The following PNLIP variants were observed in gnomAD, a reference collection of about 807,000 sequenced individuals.
PNLIP encodes pancreatic triacylglycerol lipase.
A neutral mutation model predicts 57.1 loss-of-function variants in PNLIP; 49 were observed. That is an observed-to-expected ratio of 0.86 (90% CI 0.68 to 1.09). The LOEUF is 1.09. Among genes scored for constraint, PNLIP ranks in the 50% least tolerant of loss-of-function variants. The pLI, the probability that PNLIP is intolerant of heterozygous loss-of-function variation, is 0.00. For missense variants in PNLIP, 503 were observed against 570.2 expected (o/e 0.88, Z 1.20); for synonymous variants, 209 against 200.4 (o/e 1.04, Z -0.36).
chr10:116,553,174 C>T (rs1488615128), intron 5 of PNLIP, among the ~76,000 whole-genome samples: 2 of 152,312 alleles, frequency 1.3e-5, no homozygotes, highest in African/African-American at 4.8e-5. Context: ...GGCGCGATCT[C>T]GGCTCACTGC....
chr10:116,567,656 G>A, intron 12 of PNLIP, 79 bp from the exon 13 acceptor site: 2 of 1,168,428 alleles, frequency 1.7e-6, no homozygotes, highest in Non-Finnish European at 2.6e-6. Context: ...GGAGGTTGGG[G>A]GCATAGATTG....
intron 4 of PNLIP, among the ~76,000 whole-genome samples, chr10:116,549,263 G>T (rs1291027639): frequency 1.3e-5 from 2 of 152,014 alleles, no homozygotes; most frequent in Admixed American, 1.3e-4. Context: ...GGATCACGAG[G>T]TCAGGAGTTC....
chr10:116,560,346 G>T lies in PNLIP; in HGVS notation c.1061-70G>T, dbSNP rs1847301135. On this transcript the variant is annotated intron_variant, in intron 10 of 12. Coordinates refer to ENST00000369221, the MANE Select transcript of PNLIP (RefSeq NM_000936.4). ...ATTATTCAAAACGTGGCAGTAGTGGGATGCAAATTAACTTGTTTTTAGTGT... is the reference window on the plus strand; with the variant it reads ...ATTATTCAAAACGTGGCAGTAGTGGTATGCAAATTAACTTGTTTTTAGTGT... The T allele has an allele frequency of 2.9e-5, 21 of 730,516 alleles. 1 individual carries two copies. In the South Asian group the frequency reaches 3.5e-4, roughly 12 times the overall value. 45.3% of individuals were successfully genotyped at this position (730,516 alleles called of 1,614,324 possible).
Position 116,548,451 on chromosome 10 carries a change from G to A in PNLIP, c.293G>A (p.Gly98Glu), listed in dbSNP as rs1438228056. The A allele has an allele frequency of 6.2e-7, 1 of 1,614,028 alleles. No homozygotes were observed. The highest frequency in any genetic ancestry group is 1.7e-5 in the Admixed American group (1 of 60,010). ...ATTATTCATGGATTCATAGACAAGG[G>A]AGAAGAAAACTGGCTGGCCAATGTG... ...RFIIHGFIDKGEENWLANVCK... is the reference protein window; with the variant it reads ...RFIIHGFIDKEEENWLANVCK... The change falls in exon 4 of 13, where the codon GGA becomes GAA. Residue 98 changes from glycine to glutamate, a missense_variant. Transcript: ENST00000369221.
rs1847240768 is a variant in PNLIP, at chr10:116,555,287, C to T, written c.681C>T (p.Val227=). 6.2e-7 allele frequency: 1 copy of T among 1,614,148 alleles called. No homozygotes were observed. Among genetic ancestry groups the T allele is most frequent in the Non-Finnish European group, 8.5e-7 (1 of 1,180,032 alleles). The change falls in exon 7 of 13, where the codon GTC becomes GTT. Residue 227 remains valine, a synonymous_variant. Coordinates refer to ENST00000369221, the MANE Select transcript of PNLIP (RefSeq NM_000936.4). ...DVIHTDGAPI[V]PNLGFGMSQV... The stretch of plus-strand genomic sequence containing the variant: ...TTCACACGGATGGTGCCCCCATAGT[C>T]CCCAATTTGGGTGAGTTCCTCAACC...
In PNLIP at chr10:116,567,849, T is replaced by A; in HGVS notation, c.*51T>A. 7.5e-7 allele frequency: 1 copy of A among 1,330,476 alleles called. No homozygotes were observed. The highest frequency in any genetic ancestry group is 1.1e-6 in the Non-Finnish European group (1 of 921,092). 82.4% of individuals were successfully genotyped at this position (1,330,476 alleles called of 1,614,324 possible). A position where few individuals can be genotyped will look rare whatever the true frequency, so the allele number is the denominator to read the frequency against. On this transcript the variant is annotated 3_prime_UTR_variant, in exon 13 of 13. Coordinates refer to ENST00000369221, the MANE Select transcript of PNLIP (RefSeq NM_000936.4). ...ATTGACTTCTAATAAAATCTAGTGGTGATGCATTACATGCCTGTTTCTTTT... is the reference window on the plus strand; with the variant it reads ...ATTGACTTCTAATAAAATCTAGTGGAGATGCATTACATGCCTGTTTCTTTT...
chr10:116,560,570 T>TTTTGG, intron 11 of PNLIP, 46 bp downstream of exon 11: 1 of 779,736 alleles, frequency 1.3e-6, no homozygotes. Context: ...TTTTTTTTTT[T>TTTTGG]GAGTCGGAGT....
At chr10:116,559,730 G>A (rs1275626845) in intron 10 of PNLIP, among the ~76,000 whole-genome samples, 2 of 152,152 alleles carry the variant, frequency 1.3e-5, no homozygotes, top group African/African-American at 2.4e-5. Context: ...TGGAGGAGTG[G>A]TAGGAATGGG....
At chr10:116,556,493 T>G (rs780921424) in intron 9 of PNLIP, among the ~76,000 whole-genome samples, 71 of 152,210 alleles carry the variant, frequency 4.7e-4, no homozygotes, top group Admixed American at 1.3e-3. Flanking sequence ...TATATAATTA[T>G]AGACATGTGG....
intron 9 of PNLIP, among the ~76,000 whole-genome samples, chr10:116,558,525 G>A (rs901065890): frequency 1.3e-5 from 2 of 151,678 alleles, no homozygotes; most frequent in Non-Finnish European, 2.9e-5. Context: ...ATAAATTCTA[G>A]CTGTAAGTAG....
At chr10:116,555,568 A>T in intron 8 of PNLIP, 61 bp downstream of exon 8, 1 of 1,562,620 alleles carries the variant, frequency 6.4e-7, no homozygotes. Context: ...TTGTTTTGCT[A>T]AACTTGCTAA....
Position 116,550,053 on chromosome 10 carries a change from CTTTTTTTTTTT to C in PNLIP, c.325-1032_325-1022del, listed in dbSNP as rs1176488381. On this transcript the variant is annotated intron_variant, in intron 4 of 12. Coordinates refer to ENST00000369221, the MANE Select transcript of PNLIP (RefSeq NM_000936.4). ...AAGATTGTTCCATTATTCTCAAATT[CTTTTTTTTTTT>C]TTTTTTTTTTTTGAGATGGAGTCTT... Among the ~76,000 whole-genome samples, 6 of 98,894 alleles carry C rather than the reference CTTTTTTTTTTT, an allele frequency of 6.1e-5. No individual in the cohort carries two copies. The East Asian group carries it at 1.5e-3, about 25-fold the overall frequency. 64.9% of individuals were successfully genotyped at this position (98,894 alleles called of 152,430 possible). A position where few individuals can be genotyped will look rare whatever the true frequency, so the allele number is the denominator to read the frequency against.
At position 116,555,373 on chromosome 10, in the gene PNLIP, T is replaced by C. The variant is rs1199259504; in HGVS notation, c.692-15T>C. The C allele has an allele frequency of 2.5e-6, 4 of 1,614,178 alleles. No individual in the cohort carries two copies. The highest frequency in any genetic ancestry group is 3.4e-6 in the Non-Finnish European group (4 of 1,180,030). ...ATACATTAGCATAAACCCTCATGTATTTTTATGATTTCAGGGTTTGGAATG... is the reference window on the plus strand; with the variant it reads ...ATACATTAGCATAAACCCTCATGTACTTTTATGATTTCAGGGTTTGGAATG... On this transcript the variant is annotated splice_polypyrimidine_tract_variant and intron_variant, in intron 7 of 12. Coordinates refer to ENST00000369221, the MANE Select transcript of PNLIP (RefSeq NM_000936.4).
intron 4 of PNLIP, among the ~76,000 whole-genome samples, chr10:116,549,274 G>A (rs1423856423): frequency 2.0e-5 from 3 of 152,026 alleles, no homozygotes; most frequent in East Asian, 1.9e-4. Flanking sequence ...TCAGGAGTTC[G>A]AGACCATACT....
chr10:116,557,981 G>A (rs188610188), intron 9 of PNLIP, among the ~76,000 whole-genome samples: 371 of 151,818 alleles, frequency 2.4e-3, no homozygotes, highest in Non-Finnish European at 4.2e-3. Flanking sequence ...AAAGCCGGGC[G>A]CGGTGGCTCA....
intron 11 of PNLIP, among the ~76,000 whole-genome samples, chr10:116,560,793 G>T (rs1454133400): frequency 2.0e-5 from 3 of 151,934 alleles, no homozygotes; most frequent in African/African-American, 7.3e-5. Flanking sequence ...GGCCAGGCTG[G>T]TCTCAAACTC....
intron 2 of PNLIP, among the ~76,000 whole-genome samples, chr10:116,547,044 C>T (rs983103763): frequency 5.3e-5 from 8 of 152,102 alleles, no homozygotes; most frequent in African/African-American, 1.4e-4. Flanking sequence ...AGGAGTCCCA[C>T]GTTGGGATTG....
intron 4 of PNLIP, among the ~76,000 whole-genome samples, chr10:116,549,869 A>C (rs1052904968): frequency 2.0e-5 from 3 of 152,062 alleles, no homozygotes; most frequent in African/African-American, 4.8e-5. Flanking sequence ...GCTTTGACAG[A>C]ACTATTGCTT....
chr10:116,567,506 G>A (rs181392381), intron 12 of PNLIP, among the ~76,000 whole-genome samples: 10 of 152,258 alleles, frequency 6.6e-5, no homozygotes, highest in Admixed American at 4.6e-4. Context: ...TCTTTGGGGC[G>A]TCTACTGACA....
Sources: gnomAD v4.1 joint callset for allele counts (sites outside exome capture counted in the v4.1 genomes callset) on GRCh38, gnomAD v4.1.1 for gene constraint, MANE v1.5 for transcripts, NCBI Gene and HGNC (gene_info 2026-07-23, HGNC 2026-07-21) for gene names.